Variants in LDHB observed in about 807,000 individuals in gnomAD.
LDHB encodes lactate dehydrogenase B.
LDHB carries 18 observed loss-of-function variants against 33.4 expected under a neutral mutation model. That is an observed-to-expected ratio of 0.54 (90% CI 0.37 to 0.80). The LOEUF (loss-of-function observed/expected upper bound fraction) is 0.80, where lower values mean the gene tolerates loss of function less well. Ranked by LOEUF, LDHB falls within the 30% of genes least tolerant of loss-of-function variation. The pLI, the probability that LDHB is intolerant of heterozygous loss-of-function variation, is 0.00. For synonymous variants in LDHB, 121 were observed against 140.6 expected (o/e 0.86, Z 0.98); for missense variants, 345 against 407.9 (o/e 0.85, Z 1.33).
At position 21,638,347 on chromosome 12, in the gene LDHB, A is replaced by G; in HGVS notation, c.713+6T>C. ...ATCATCTAAAATCAAGTTCCCTTTC[A>G]CTTACCTTTCAACCACCATCTTATG... is the stretch of plus-strand genomic sequence containing the variant. On this transcript the variant is annotated splice_donor_region_variant and intron_variant, in intron 6 of 7. Coordinates refer to ENST00000350669, the MANE Select transcript of LDHB (RefSeq NM_002300.8). The G allele has an allele frequency of 6.9e-7, 1 of 1,457,352 alleles. No individual in the cohort carries two copies. Among genetic ancestry groups the G allele is most frequent in the Non-Finnish European group, 9.6e-7 (1 of 1,037,942 alleles). The allele number at this position is 1,457,352 out of a possible 1,614,324, so 90.3% of individuals were successfully genotyped here.
At position 21,641,641 on chromosome 12, in the gene LDHB, T is replaced by G. The variant is rs555997397; in HGVS notation, c.595+311A>C. ...GTTTCAGGGTTACATTTCCTGATTTTGGGAAGTGTACTGTGGTTATGAAAA... is the reference window on the plus strand; with the variant it reads ...GTTTCAGGGTTACATTTCCTGATTTGGGGAAGTGTACTGTGGTTATGAAAA... On this transcript the variant is annotated intron_variant, in intron 5 of 7. Transcript: ENST00000350669. 2.6e-5 allele frequency among the ~76,000 whole-genome samples: 4 copies of G among 152,276 alleles called. No individual in the cohort carries two copies. In the South Asian group the frequency reaches 8.3e-4, roughly 32 times the overall value.
intron 2 of LDHB, among the ~76,000 whole-genome samples, chr12:21,648,829 G>C (rs1387869651): frequency 6.6e-6 from 1 of 152,222 alleles, no homozygotes; most frequent in African/African-American, 2.4e-5. Flanking sequence ...TAAGACTGAA[G>C]CTTCCCGATG....
chr12:21,638,867 T>C (rs1000351214), intron 5 of LDHB, among the ~76,000 whole-genome samples: 9 of 151,652 alleles, frequency 5.9e-5, no homozygotes, highest in African/African-American at 1.2e-4. Context: ...TATTCTACAG[T>C]AAAGAAAAAA....
At chr12:21,637,990 C>T (rs1382951013) in intron 6 of LDHB, among the ~76,000 whole-genome samples, 1 of 151,976 alleles carries the variant, frequency 6.6e-6, no homozygotes, top group Non-Finnish European at 1.5e-5. Context: ...TGTTAGCAAT[C>T]AGCAAGCAAG....
chr12:21,642,171 TCAACTGTTAGG>T (rs1294857721), intron 4 of LDHB, 46 bp from the exon 5 acceptor site: 1 of 1,455,654 alleles, frequency 6.9e-7, no homozygotes, highest in Non-Finnish European at 9.6e-7. Context: ...AAAACCAACT[TCAACTGTTAGG>T]CAGCTTGGGG....
At chr12:21,656,096 C>G (rs147319548) in intron 1 of LDHB, among the ~76,000 whole-genome samples, 49 of 152,330 alleles carry the variant, frequency 3.2e-4, no homozygotes, top group African/African-American at 1.1e-3. Context: ...TAATTCTAAT[C>G]TGCAATGGAC....
At chr12:21,640,483 T>G (rs924355569) in intron 5 of LDHB, among the ~76,000 whole-genome samples, 4 of 152,056 alleles carry the variant, frequency 2.6e-5, no homozygotes, top group African/African-American at 9.7e-5. Flanking sequence ...AAATAATTGA[T>G]AGTTATAATT....
intron 7 of LDHB, 90 bp downstream of exon 7, chr12:21,636,981 G>T: frequency 9.1e-7 from 1 of 1,101,718 alleles, no homozygotes; most frequent in South Asian, 1.2e-5. Context: ...CTTGAACTAT[G>T]ATTTTATCTG....
chr12:21,654,529 T>C lies in LDHB; in HGVS notation c.129+14A>G, dbSNP rs756200956. The C allele has an allele frequency of 3.7e-6, 6 of 1,613,586 alleles. No individual in the cohort carries two copies. Among genetic ancestry groups the C allele is most frequent in the Non-Finnish European group, 5.1e-6 (6 of 1,179,626 alleles). On this transcript the variant is annotated intron_variant, in intron 2 of 7. Transcript: ENST00000350669. ...CTGAACTTCTCTATCATCTATGGTG[T>C]TCTTGAAATGTACCTTTCCCAGAAT...
At chr12:21,656,442 T>C (rs1162904882) in intron 1 of LDHB, among the ~76,000 whole-genome samples, 3 of 152,242 alleles carry the variant, frequency 2.0e-5, no homozygotes, top group African/African-American at 7.2e-5. Flanking sequence ...TGCATCTCTT[T>C]TTGAAGGACG....
intron 2 of LDHB, among the ~76,000 whole-genome samples, chr12:21,648,407 A>C (rs1183793095): frequency 6.6e-6 from 1 of 152,052 alleles, no homozygotes; most frequent in Non-Finnish European, 1.5e-5. Flanking sequence ...TCCCCTGAAT[A>C]CTGTATTTTC....
intron 2 of LDHB, among the ~76,000 whole-genome samples, chr12:21,651,604 G>A (rs1938693148): frequency 6.6e-6 from 1 of 151,884 alleles, no homozygotes; most frequent in South Asian, 2.1e-4. Context: ...TAGGTGTTTG[G>A]TTTTTGTTGA....
chr12:21,642,164 AC>A, intron 4 of LDHB, 39 bp from the exon 5 acceptor site: 1 of 1,488,440 alleles, frequency 6.7e-7, no homozygotes, highest in Non-Finnish European at 9.4e-7. Context: ...GTAAACCAAA[AC>A]CAACTTCAAC....
chr12:21,650,103 A>AAAAAAAAT (rs5796919), intron 2 of LDHB, among the ~76,000 whole-genome samples: 1 of 137,040 alleles, frequency 7.3e-6, no homozygotes, highest in African/African-American at 2.9e-5. Flanking sequence ...AGAGAAAAAA[A>AAAAAAAAT]ATACACACAC....
At chr12:21,642,983 G>T (rs563055625) in intron 4 of LDHB, among the ~76,000 whole-genome samples, 1 of 152,362 alleles carries the variant, frequency 6.6e-6, no homozygotes, top group African/African-American at 2.4e-5. Context: ...GGCACAGGAT[G>T]CAGTAACTTA....
intron 4 of LDHB, chr12:21,643,693 C>A: frequency 2.0e-6 from 1 of 507,892 alleles, no homozygotes; most frequent in South Asian, 3.0e-5. Flanking sequence ...AATCTATAAC[C>A]AAGCCAGATG....
chr12:21,644,453 A>C (rs1650296), intron 3 of LDHB, among the ~76,000 whole-genome samples: 96,784 of 112,270 alleles, frequency 0.86, 41,206 homozygotes, highest in Middle Eastern at 0.95. Context: ...AAACAAAAAC[A>C]AAAACCAATT....
chr12:21,647,544 T>C (rs971144504), intron 2 of LDHB, among the ~76,000 whole-genome samples: 2 of 152,110 alleles, frequency 1.3e-5, no homozygotes, highest in Admixed American at 6.5e-5. Context: ...GGGAGGTTTT[T>C]TCATGTGATC....
chr12:21,644,285 C>T (rs979024939), intron 3 of LDHB, among the ~76,000 whole-genome samples, 177 bp from the exon 4 acceptor site: 2 of 151,676 alleles, frequency 1.3e-5, no homozygotes, highest in African/African-American at 4.8e-5. Context: ...TTTTTTCTCC[C>T]TTGAGCTACA....
Sources: allele counts gnomAD v4.1 joint callset (sites outside exome capture counted in the v4.1 genomes callset), GRCh38; gene constraint gnomAD v4.1.1; transcripts MANE v1.5; gene names NCBI Gene and HGNC (gene_info 2026-07-23, HGNC 2026-07-21).